The following OR2L13 variants were observed in gnomAD, a reference collection of about 807,000 sequenced individuals.
The protein encoded by OR2L13 is olfactory receptor 2L13.
A neutral mutation model predicts 15.3 loss-of-function variants in OR2L13; 14 were observed. The observed-to-expected ratio is 0.91, with a 90% CI of 0.60 to 1.43. OR2L13 has a LOEUF of 1.43. OR2L13 is among the 40% of genes most tolerant of loss of function. OR2L13 has a pLI of 0.00. For synonymous variants in OR2L13, 152 were observed against 142.9 expected, an observed-to-expected ratio of 1.06 and a Z score of -0.45; for missense variants, 367 against 387.9, an observed-to-expected ratio of 0.95 and a Z score of 0.45.
the OR2L13 span, among the ~76,000 whole-genome samples, chr1:247,987,173 CA>C: frequency 6.6e-6 from 1 of 152,170 alleles, no homozygotes; most frequent in African/African-American, 2.4e-5. Context: ...CAATGGGTCA[CA>C]GCAAATTGTT....
chr1:248,034,614 G>A, the OR2L13 span, among the ~76,000 whole-genome samples: 2 of 152,100 alleles, frequency 1.3e-5, no homozygotes, highest in African/African-American at 2.4e-5. Flanking sequence ...AATACAGAAT[G>A]TATTTCCATT....
the OR2L13 span, among the ~76,000 whole-genome samples, chr1:248,065,438 TTTA>T: frequency 2.6e-5 from 4 of 152,072 alleles, no homozygotes; most frequent in South Asian, 2.1e-4. Flanking sequence ...TATTTATTTA[TTTA>T]TTATTATTAT....
At chr1:248,041,865 T>A in the OR2L13 span, 2 of 152,096 alleles carry the variant, frequency 1.3e-5, no homozygotes, top group African/African-American at 4.8e-5. Flanking sequence ...AAACAACAGG[T>A]GCTGGAGAGG....
chr1:248,072,446 C>G, the OR2L13 span, among the ~76,000 whole-genome samples: 1 of 152,152 alleles, frequency 6.6e-6, no homozygotes, highest in Non-Finnish European at 1.5e-5. Context: ...GAAACTGGAT[C>G]CCTTCCTTAC....
At chr1:248,093,342 G>T (rs536492181), upstream of OR2L13, among the ~76,000 whole-genome samples, 10 of 151,976 alleles carry the variant, frequency 6.6e-5, no homozygotes, top group Non-Finnish European at 1.0e-4. Context: ...GAGGTGAGAT[G>T]CATCATCATA....
chr1:248,055,621 G>C, the OR2L13 span, among the ~76,000 whole-genome samples: 7 of 152,170 alleles, frequency 4.6e-5, no homozygotes, highest in Admixed American at 6.5e-5. Flanking sequence ...GCCAGGCATG[G>C]TGTTGTGTGC....
At chr1:248,038,804 T>A in the OR2L13 span, 1 of 1,614,238 alleles carries the variant, frequency 6.2e-7, no homozygotes, top group Non-Finnish European at 8.5e-7. Flanking sequence ...TTTTCTGTGA[T>A]GTTCCAGCTA....
chr1:247,967,208 T>C, the OR2L13 span, among the ~76,000 whole-genome samples: 59 of 152,214 alleles, frequency 3.9e-4, no homozygotes, highest in East Asian at 4.1e-3. Context: ...TCTTTCTTTC[T>C]TTCTTTTTTT....
the OR2L13 span, chr1:248,038,703 G>C: frequency 1.2e-6 from 2 of 1,614,034 alleles, no homozygotes; most frequent in Non-Finnish European, 1.7e-6. Context: ...GATGATAACA[G>C]GATCTTGGAT....
chr1:247,992,523 C>G, the OR2L13 span, among the ~76,000 whole-genome samples: 111 of 152,104 alleles, frequency 7.3e-4, no homozygotes, highest in Non-Finnish European at 1.3e-3. Flanking sequence ...AGTTTTTAAT[C>G]CCATCCCCTC....
chr1:247,965,522 T>C, the OR2L13 span: 2 of 1,613,378 alleles, frequency 1.2e-6, no homozygotes, highest in Non-Finnish European at 1.7e-6. Context: ...ATCCACCTCA[T>C]TCGACTGAAC....
At chr1:247,993,342 G>GT in the OR2L13 span, among the ~76,000 whole-genome samples, 4,440 of 134,828 alleles carry the variant, frequency 0.033, 95 homozygotes, top group African/African-American at 0.047. Context: ...TTTCCTCGTT[G>GT]TTTTTTTTTT....
chr1:248,037,415 C>T, the OR2L13 span, among the ~76,000 whole-genome samples: 2 of 152,104 alleles, frequency 1.3e-5, no homozygotes, highest in African/African-American at 4.8e-5. Flanking sequence ...ATTTAATTTA[C>T]CTTCCCATGC....
the OR2L13 span, chr1:247,980,745 A>C: frequency 6.6e-6 from 1 of 152,170 alleles, no homozygotes; most frequent in Non-Finnish European, 1.5e-5. Context: ...GAAACACCGG[A>C]ATCATGGTTG....
chr1:248,022,351 T>G, the OR2L13 span: 1 of 1,614,080 alleles, frequency 6.2e-7, no homozygotes, highest in Non-Finnish European at 8.5e-7. Flanking sequence ...CCCATCCGTA[T>G]GAGCAAAAGA....
chr1:248,020,451 C>T, the OR2L13 span, among the ~76,000 whole-genome samples: 1 of 152,094 alleles, frequency 6.6e-6, no homozygotes, highest in African/African-American at 2.4e-5. Flanking sequence ...AGATTCTAAG[C>T]ATTAGGGAAG....
the OR2L13 span, among the ~76,000 whole-genome samples, chr1:248,052,847 T>A: frequency 1.3e-5 from 2 of 151,992 alleles, no homozygotes; most frequent in Non-Finnish European, 2.9e-5. Flanking sequence ...TAGAATGGGC[T>A]TTTCTGTTTC....
At chr1:248,004,164 C>G in the OR2L13 span, 4 of 1,014,972 alleles carry the variant, frequency 3.9e-6, no homozygotes, top group East Asian at 1.0e-4. Context: ...AGTTCAGGAG[C>G]AAAAAGTAAT....
the OR2L13 span, among the ~76,000 whole-genome samples, chr1:248,005,262 C>T: frequency 6.6e-6 from 1 of 152,124 alleles, no homozygotes; most frequent in Non-Finnish European, 1.5e-5. Context: ...TTGATCATTA[C>T]ACATTGTATG....
Sources: gnomAD v4.1 joint callset for allele counts (sites outside exome capture counted in the v4.1 genomes callset) on GRCh38, gnomAD v4.1.1 for gene constraint, MANE v1.5 for transcripts, NCBI Gene and HGNC (gene_info 2026-07-23, HGNC 2026-07-21) for gene names.